BCAS3: variants seen among roughly 807,000 people sequenced by gnomAD.
The protein encoded by BCAS3 is BCAS3 microtubule associated cell migration factor.
A neutral mutation model predicts 116.1 loss-of-function variants in BCAS3; 53 were observed. The ratio of observed to expected loss-of-function variants is 0.46; its 90% confidence interval spans 0.37 to 0.57. The LOEUF (loss-of-function observed/expected upper bound fraction) is 0.57. BCAS3 is among the 20% of genes least tolerant of loss of function. The probability of loss-of-function intolerance (pLI) is 0.00; values close to 1 mark genes in which losing one functional copy is unlikely to be tolerated. For missense variants in BCAS3, 917 were observed against 1,165.4 expected, an observed-to-expected ratio of 0.79 and a Z score of 3.10; for synonymous variants, 391 against 408.2, an observed-to-expected ratio of 0.96 and a Z score of 0.51.
chr17:61,274,953 G>C (rs1336242000), intron 22 of BCAS3, among the ~76,000 whole-genome samples: 1 of 152,046 alleles, frequency 6.6e-6, no homozygotes, highest in Non-Finnish European at 1.5e-5. Context: ...CTATCTCCTG[G>C]TCTCAAGTAA....
At chr17:60,844,957 C>T (rs115972132) in intron 7 of BCAS3, among the ~76,000 whole-genome samples, 23 of 152,226 alleles carry the variant, frequency 1.5e-4, no homozygotes, top group African/African-American at 4.6e-4. Flanking sequence ...AGGCTGGGCA[C>T]GGTGGCTTAT....
chr17:61,067,598 C>G (rs969421625), intron 19 of BCAS3, among the ~76,000 whole-genome samples: 1 of 150,314 alleles, frequency 6.7e-6, no homozygotes, highest in African/African-American at 2.4e-5. Flanking sequence ...CACCTGTAAT[C>G]CCAGCTACTT....
At chr17:60,719,198 G>A (rs1490096755) in intron 5 of BCAS3, among the ~76,000 whole-genome samples, 2 of 152,182 alleles carry the variant, frequency 1.3e-5, no homozygotes, top group Non-Finnish European at 2.9e-5. Flanking sequence ...AGTGAGTTTG[G>A]TTTTAAATGT....
At chr17:60,761,282 A>C (rs1317767094) in intron 6 of BCAS3, among the ~76,000 whole-genome samples, 2 of 152,106 alleles carry the variant, frequency 1.3e-5, no homozygotes, top group African/African-American at 4.8e-5. Flanking sequence ...TTGCATATGT[A>C]TACATGTGCC....
intron 13 of BCAS3, among the ~76,000 whole-genome samples, chr17:60,938,338 A>G (rs190606438): frequency 6.6e-4 from 100 of 152,350 alleles, no homozygotes; most frequent in Middle Eastern, 3.4e-3. Context: ...AAGTATAGAC[A>G]TAGATGAGTG....
rs1231759304 is a variant in BCAS3, at chr17:61,188,281, C to A, written c.2425+103717C>A. 6.6e-6 allele frequency among the ~76,000 whole-genome samples: 1 copy of A among 152,190 alleles called. No individual in the cohort carries two copies. Among genetic ancestry groups the A allele is most frequent in the Non-Finnish European group, 1.5e-5 (1 of 68,030 alleles). On this transcript the variant is annotated intron_variant, in intron 22 of 23. Transcript: ENST00000407086. The surrounding 1 kb of genome is among the most constrained non-coding windows in gnomAD (Gnocchi z 4.0). ...TTGGTACCCTGATACCTGAAACCTC[C>A]TACTTCTCTTTTCTCTTCAGCCAAA...
At chr17:60,714,041 T>A (rs1358270666) in intron 5 of BCAS3, among the ~76,000 whole-genome samples, 1 of 152,166 alleles carries the variant, frequency 6.6e-6, no homozygotes, top group Non-Finnish European at 1.5e-5. Context: ...TTCACCATGT[T>A]GGCCAGGCTG....
At chr17:61,250,321 G>A (rs1184168891) in intron 22 of BCAS3, among the ~76,000 whole-genome samples, 6 of 152,076 alleles carry the variant, frequency 3.9e-5, no homozygotes, top group Admixed American at 3.3e-4. Flanking sequence ...TATAAACAAC[G>A]GCTTCTTCAT....
chr17:60,905,380 AC>A (rs747610321), intron 11 of BCAS3, among the ~76,000 whole-genome samples: 25 of 152,378 alleles, frequency 1.6e-4, no homozygotes, highest in Non-Finnish European at 2.8e-4. Context: ...CAATAGATGA[AC>A]AAAAAGTATT....
intron 22 of BCAS3, among the ~76,000 whole-genome samples, chr17:61,336,595 T>C (rs1335385927): frequency 1.3e-5 from 2 of 152,250 alleles, no homozygotes; most frequent in African/African-American, 2.4e-5. Flanking sequence ...ACTGTGTTCA[T>C]GCCAAGCCTG....
chr17:60,700,173 C>CAAAAA (rs531616609), intron 4 of BCAS3, among the ~76,000 whole-genome samples: 1 of 121,594 alleles, frequency 8.2e-6, no homozygotes, highest in African/African-American at 4.4e-5. Context: ...GACCCTGTCT[C>CAAAAA]AAAAAAAAAA....
intron 19 of BCAS3, among the ~76,000 whole-genome samples, chr17:61,060,287 C>T (rs146632518): frequency 0.041 from 6,232 of 151,118 alleles, 465 homozygotes; most frequent in African/African-American, 0.14. Context: ...CCACCACACC[C>T]GGCTAATTTT....
chr17:61,150,079 G>C (rs1365114519), intron 22 of BCAS3, among the ~76,000 whole-genome samples: 3 of 152,164 alleles, frequency 2.0e-5, no homozygotes, highest in Non-Finnish European at 4.4e-5. Context: ...TGAGAAACAG[G>C]GGAAGAGAGA....
Position 61,171,798 on chromosome 17 carries a change from ATT to A in BCAS3, c.2425+87248_2425+87249del, listed in dbSNP as rs777029615. 4.2e-5 allele frequency among the ~76,000 whole-genome samples: 6 copies of A among 142,472 alleles called. No homozygotes were observed. The highest frequency in any genetic ancestry group is 1.5e-5 in the Non-Finnish European group (1 of 64,622). 93.5% of individuals were successfully genotyped at this position (142,472 alleles called of 152,430 possible). On this transcript the variant is annotated intron_variant, in intron 22 of 23. Transcript: ENST00000407086. This position sits in a 1 kb window ranked among gnomAD's most constrained non-coding sequence, Gnocchi z 4.1. ...ACCATGCCCTGCTAATTAAAAAAAA[ATT>A]TTTTTTTTTTTTTGTAGAAATGGAG...
At chr17:61,201,831 T>C (rs1157680943) in intron 22 of BCAS3, among the ~76,000 whole-genome samples, 1 of 151,204 alleles carries the variant, frequency 6.6e-6, no homozygotes, top group Non-Finnish European at 1.5e-5. Flanking sequence ...CAATCTCGGC[T>C]CACTGCAACC....
At chr17:61,074,180 C>A (rs1178583378) in intron 19 of BCAS3, among the ~76,000 whole-genome samples, 1 of 148,858 alleles carries the variant, frequency 6.7e-6, no homozygotes, top group South Asian at 2.1e-4. Context: ...TGGGAAATAT[C>A]CGTATCTTTA....
intron 22 of BCAS3, among the ~76,000 whole-genome samples, chr17:61,246,477 A>AAG (rs1453513862): frequency 0.015 from 2,255 of 146,812 alleles, 29 homozygotes; most frequent in Middle Eastern, 0.025. Flanking sequence ...CTCAGAAAAA[A>AAG]AAAAAAAAAA....
intron 7 of BCAS3, among the ~76,000 whole-genome samples, chr17:60,857,748 G>A (rs1290958343): frequency 2.6e-5 from 4 of 152,192 alleles, no homozygotes; most frequent in Admixed American, 1.3e-4. Context: ...GGCAGGAAAC[G>A]TGCTGACTCC....
At chr17:61,057,612 C>T (rs940467430) in intron 19 of BCAS3, among the ~76,000 whole-genome samples, 18 of 151,928 alleles carry the variant, frequency 1.2e-4, no homozygotes, top group Admixed American at 9.8e-4. Flanking sequence ...AGACCCAAGA[C>T]ATGTTAAAAG....
Sources: gnomAD v4.1 joint callset for allele counts (sites outside exome capture counted in the v4.1 genomes callset) on GRCh38, gnomAD v4.1.1 for gene constraint, Gnocchi (gnomAD v3.1) non-coding constraint, MANE v1.5 for transcripts, NCBI Gene and HGNC (gene_info 2026-07-23, HGNC 2026-07-21) for gene names.